SLC15A2: variants seen among roughly 807,000 people sequenced by gnomAD.
SLC15A2 encodes solute carrier family 15 member 2.
In SLC15A2, 77 loss-of-function variants were observed where a neutral mutation model predicts 95.5. The ratio of observed to expected loss-of-function variants is 0.81; its 90% confidence interval spans 0.67 to 0.97. The LOEUF is 0.97. SLC15A2 is among the 50% of genes least tolerant of loss of function. SLC15A2 has a pLI of 0.00. For synonymous variants in SLC15A2, 306 were observed against 306.9 expected, an observed-to-expected ratio of 1.00 and a Z score of 0.03; for missense variants, 893 against 874.4, an observed-to-expected ratio of 1.02 and a Z score of -0.27.
intron 3 of SLC15A2, among the ~76,000 whole-genome samples, chr3:121,901,837 G>A (rs1709525947): frequency 7.6e-6 from 1 of 131,834 alleles, no homozygotes; most frequent in African/African-American, 2.9e-5. Flanking sequence ...CTCTGCCTGA[G>A]TATGTGTTTG....
chr3:121,906,889 G>C (rs1162594336), intron 3 of SLC15A2, among the ~76,000 whole-genome samples: 1 of 151,978 alleles, frequency 6.6e-6, no homozygotes, highest in African/African-American at 2.4e-5. Flanking sequence ...GAATTTGAAT[G>C]TTGGCCTGCC....
In SLC15A2 at chr3:121,912,947, C is replaced by T. The variant is rs1477656138; in HGVS notation, c.429-74C>T. 38 of 1,037,410 alleles carry T rather than the reference C, an allele frequency of 3.7e-5. No homozygotes were observed. The East Asian group carries it at 8.7e-4, about 24-fold the overall frequency. The allele number at this position is 1,037,410 out of a possible 1,614,324, so 64.3% of individuals were successfully genotyped here. ...TGCCCTTGTACACATTTTTTCCCCT[C>T]TGCAGCTCTGTAGTCCATCTCTACA... is the stretch of plus-strand genomic sequence containing the variant. On this transcript the variant is annotated intron_variant, in intron 4 of 21. Coordinates refer to ENST00000489711, the MANE Select transcript of SLC15A2 (RefSeq NM_021082.4).
chr3:121,934,187 C>T (rs1055776883), intron 19 of SLC15A2, among the ~76,000 whole-genome samples: 2 of 152,190 alleles, frequency 1.3e-5, no homozygotes, highest in African/African-American at 4.8e-5. Context: ...AGTTTGAAGT[C>T]AGGTAGTGTG....
intron 3 of SLC15A2, among the ~76,000 whole-genome samples, chr3:121,910,835 C>T (rs181060000): frequency 1.3e-5 from 2 of 152,240 alleles, no homozygotes; most frequent in Admixed American, 1.3e-4. Flanking sequence ...ACTGGAGTTC[C>T]TTATTCTTCT....
intron 13 of SLC15A2, 68 bp from the exon 14 acceptor site, chr3:121,927,690 T>A: frequency 1.7e-6 from 2 of 1,161,096 alleles, no homozygotes; most frequent in Non-Finnish European, 2.6e-6. Context: ...AATAATAGGC[T>A]ACAGAGTTTG....
intron 13 of SLC15A2, among the ~76,000 whole-genome samples, chr3:121,927,447 C>A (rs1325302716): frequency 6.6e-6 from 1 of 152,146 alleles, no homozygotes; most frequent in Non-Finnish European, 1.5e-5. Flanking sequence ...AAGTGTGTGG[C>A]ACCTCCCATC....
intron 3 of SLC15A2, among the ~76,000 whole-genome samples, chr3:121,910,230 C>T (rs149273966): frequency 3.5e-4 from 48 of 137,186 alleles, no homozygotes; most frequent in African/African-American, 9.9e-4. Context: ...GAGTCTTGCT[C>T]TGTCGCCAGT....
chr3:121,922,874 T>C lies in SLC15A2; in HGVS notation c.867+13T>C. 1 of 1,607,472 alleles carries C rather than the reference T, an allele frequency of 6.2e-7. No homozygotes were observed. The highest frequency in any genetic ancestry group is 8.5e-7 in the Non-Finnish European group (1 of 1,174,042). On this transcript the variant is annotated intron_variant, in intron 9 of 21. Coordinates refer to ENST00000489711, the MANE Select transcript of SLC15A2 (RefSeq NM_021082.4). The stretch of plus-strand genomic sequence containing the variant: ...TGAGAAATATCCAGTAAGTTGGAAA[T>C]GCAGAAACATCTTATGGCTTGATAG...
Position 121,896,386 on chromosome 3 carries a change from A to C in SLC15A2, c.106-20A>C. 4 of 1,589,344 alleles carry C rather than the reference A, an allele frequency of 2.5e-6. No homozygotes were observed. The highest frequency in any genetic ancestry group is 3.5e-6 in the Non-Finnish European group (4 of 1,157,456). On this transcript the variant is annotated intron_variant, in intron 1 of 21. Transcript: ENST00000489711. The stretch of plus-strand genomic sequence containing the variant: ...GGGAAAAACAGCTCATGCTTGAATC[A>C]TTGCCTTCTTGTTGAATAGACAATC...
intron 3 of SLC15A2, among the ~76,000 whole-genome samples, chr3:121,907,486 G>GT (rs139460449): frequency 6.6e-6 from 1 of 152,220 alleles, no homozygotes; most frequent in Non-Finnish European, 1.5e-5. Flanking sequence ...CATCTTTGTG[G>GT]TTTTTATCTA....
At chr3:121,939,181 C>T (rs139015211) in intron 19 of SLC15A2, 168 bp from the exon 20 acceptor site, 64 of 452,434 alleles carry the variant, frequency 1.4e-4, no homozygotes, top group African/African-American at 7.3e-4. Flanking sequence ...CATAATATTA[C>T]GAAAAGAAGT....
rs1709437691 is a variant in SLC15A2, at chr3:121,897,374, T to A, written c.194-14T>A. The A allele has an allele frequency of 1.2e-6, 2 of 1,611,702 alleles. No individual in the cohort carries two copies. The highest frequency in any genetic ancestry group is 1.7e-6 in the Non-Finnish European group (2 of 1,179,338). ...GTTTTGTCTCCCCACGCCTCCTTTT[T>A]TTTCCCACTACAGCTGTGCTGATCC... On this transcript the variant is annotated splice_polypyrimidine_tract_variant and intron_variant, in intron 2 of 21. Transcript: ENST00000489711.
intron 21 of SLC15A2, 33 bp from the exon 22 acceptor site, chr3:121,940,798 C>G: frequency 1.3e-6 from 2 of 1,589,560 alleles, no homozygotes; most frequent in Non-Finnish European, 1.7e-6. Flanking sequence ...TCAGGTTTCT[C>G]CATATTCTTC....
chr3:121,931,800 G>A, intron 19 of SLC15A2, 65 bp downstream of exon 19: 1 of 932,048 alleles, frequency 1.1e-6, no homozygotes, highest in East Asian at 2.5e-5. Context: ...AGATCCTCTA[G>A]GCAGGGGCAG....
chr3:121,927,698 T>G, intron 13 of SLC15A2, 60 bp from the exon 14 acceptor site: 2 of 1,274,110 alleles, frequency 1.6e-6, no homozygotes, highest in Admixed American at 3.4e-5. Flanking sequence ...GCTACAGAGT[T>G]TGGATTTCAT....
At chr3:121,927,053 T>C (rs1273647437) in intron 13 of SLC15A2, among the ~76,000 whole-genome samples, 3 of 152,198 alleles carry the variant, frequency 2.0e-5, no homozygotes, top group African/African-American at 7.2e-5. Context: ...CCCATTTTAT[T>C]TGGGGAGTCA....
intron 13 of SLC15A2, among the ~76,000 whole-genome samples, chr3:121,926,248 A>G (rs991415596): frequency 1.3e-5 from 2 of 152,120 alleles, no homozygotes; most frequent in Non-Finnish European, 2.9e-5. Flanking sequence ...GTAATCCCCA[A>G]TGTTGGATGT....
chr3:121,910,214 G>A (rs1278406692), intron 3 of SLC15A2, among the ~76,000 whole-genome samples: 1 of 52,086 alleles, frequency 1.9e-5, no homozygotes, highest in African/African-American at 6.8e-5. Context: ...TTTTTTTTTT[G>A]AGACGGAGTC....
Position 121,894,405 on chromosome 3 carries a change from T to G in SLC15A2, c.-72T>G, listed in dbSNP as rs1298662268. ...CCCCTCCCAGTCCTTCTTTTCAGAG[T>G]AGGCTGGCAGCTGTCCTAACTGCCT... On this transcript the variant is annotated 5_prime_UTR_variant, in exon 1 of 22. Coordinates refer to ENST00000489711, the MANE Select transcript of SLC15A2 (RefSeq NM_021082.4). The G allele has an allele frequency of 5.1e-6, 6 of 1,182,160 alleles. No homozygotes were observed. In the East Asian group the frequency reaches 1.2e-4, roughly 24 times the overall value. The allele number at this position is 1,182,160 out of a possible 1,614,324, so 73.2% of individuals were successfully genotyped here. A position where few individuals can be genotyped will look rare whatever the true frequency, so the allele number is the denominator to read the frequency against.
Sources: allele counts gnomAD v4.1 joint callset (sites outside exome capture counted in the v4.1 genomes callset), GRCh38; gene constraint gnomAD v4.1.1; transcripts MANE v1.5; gene names NCBI Gene and HGNC (gene_info 2026-07-23, HGNC 2026-07-21).